Variants in CDKAL1 observed in about 807,000 individuals in gnomAD.
The protein encoded by CDKAL1 is CDKAL1 threonylcarbamoyladenosine tRNA methylthiotransferase.
CDKAL1 carries 32 observed loss-of-function variants against 68.2 expected under a neutral mutation model. The observed-to-expected ratio is 0.47, with a 90% CI of 0.35 to 0.63. The LOEUF (loss-of-function observed/expected upper bound fraction) is 0.63, where lower values mean the gene tolerates loss of function less well. Ranked by LOEUF, CDKAL1 falls within the 30% of genes least tolerant of loss-of-function variation. The pLI is 0.00. For missense variants in CDKAL1, 606 were observed against 696.7 expected (o/e 0.87, Z 1.47); for synonymous variants, 234 against 244.3 (o/e 0.96, Z 0.39).
chr6:20,764,959 C>G (rs543389327), intron 7 of CDKAL1, among the ~76,000 whole-genome samples: 1 of 152,100 alleles, frequency 6.6e-6, no homozygotes, highest in Non-Finnish European at 1.5e-5. Flanking sequence ...CCAGTCTCAT[C>G]GGTGTAAGTA....
At chr6:20,922,407 A>G (rs2150653084) in intron 9 of CDKAL1, among the ~76,000 whole-genome samples, 1 of 152,364 alleles carries the variant, frequency 6.6e-6, no homozygotes, top group African/African-American at 2.4e-5. Context: ...AACATGAGAA[A>G]ACAATGAACT....
At chr6:21,002,809 G>A (rs1767499650) in intron 11 of CDKAL1, among the ~76,000 whole-genome samples, 1 of 151,878 alleles carries the variant, frequency 6.6e-6, no homozygotes, top group Non-Finnish European at 1.5e-5. Context: ...GCAACATGGT[G>A]AAACCCCGTC....
intron 12 of CDKAL1, among the ~76,000 whole-genome samples, chr6:21,089,741 A>C (rs555516725): frequency 1.2e-4 from 18 of 152,358 alleles, no homozygotes; most frequent in African/African-American, 4.3e-4. Flanking sequence ...ATGGGTGAGA[A>C]GACTTGTAGG....
intron 10 of CDKAL1, among the ~76,000 whole-genome samples, chr6:20,972,146 C>T (rs1765630168): frequency 6.6e-6 from 1 of 152,206 alleles, no homozygotes; most frequent in Non-Finnish European, 1.5e-5. Context: ...GCCTTCCTCA[C>T]TTGCAAGTGT....
At chr6:21,095,969 G>A (rs1367725104) in intron 12 of CDKAL1, among the ~76,000 whole-genome samples, 1 of 152,144 alleles carries the variant, frequency 6.6e-6, no homozygotes, top group Non-Finnish European at 1.5e-5. Context: ...GTATGATGGG[G>A]CAGAGAGAGA....
intron 13 of CDKAL1, among the ~76,000 whole-genome samples, chr6:21,141,407 C>T (rs1486521763): frequency 2.0e-5 from 3 of 152,198 alleles, no homozygotes; most frequent in Non-Finnish European, 2.9e-5. Context: ...TTCCCTCTGC[C>T]AGGACATTTG....
At chr6:20,565,188 C>G (rs1481378806) in intron 4 of CDKAL1, among the ~76,000 whole-genome samples, 1 of 151,818 alleles carries the variant, frequency 6.6e-6, no homozygotes, top group East Asian at 1.9e-4. Context: ...GTGATTTTTA[C>G]AGGGGTGAAA....
intron 13 of CDKAL1, among the ~76,000 whole-genome samples, chr6:21,109,485 T>C (rs2150993051): frequency 1.3e-5 from 2 of 152,304 alleles, no homozygotes; most frequent in Middle Eastern, 3.4e-3. Context: ...TTCTAGTGTT[T>C]CTATAGTGAC....
At chr6:20,566,760 G>A (rs527996613) in intron 4 of CDKAL1, among the ~76,000 whole-genome samples, 1 of 152,222 alleles carries the variant, frequency 6.6e-6, no homozygotes, top group South Asian at 2.1e-4. Context: ...TGCATCTAAA[G>A]ATTCCCATGG....
intron 11 of CDKAL1, among the ~76,000 whole-genome samples, chr6:21,045,655 A>G (rs528123864): frequency 8.7e-4 from 132 of 152,306 alleles, no homozygotes; most frequent in African/African-American, 2.9e-3. Context: ...TGCATAAGTA[A>G]AGCACTAGGA....
chr6:20,647,963 T>C (rs1768556595), intron 4 of CDKAL1, among the ~76,000 whole-genome samples: 1 of 150,224 alleles, frequency 6.7e-6, no homozygotes, highest in Non-Finnish European at 1.5e-5. Context: ...TAATCCCAGC[T>C]ACTCAGGAGG....
chr6:21,014,351 C>A (rs1768186667), intron 11 of CDKAL1, among the ~76,000 whole-genome samples: 2 of 152,150 alleles, frequency 1.3e-5, no homozygotes, highest in Admixed American at 6.5e-5. Context: ...CACCTGTAAT[C>A]CCAGCACTTT....
At chr6:20,888,605 G>A (rs1198693253) in intron 9 of CDKAL1, among the ~76,000 whole-genome samples, 1 of 142,020 alleles carries the variant, frequency 7.0e-6, no homozygotes, top group Non-Finnish European at 1.5e-5. Flanking sequence ...CCGCCTATGA[G>A]TGAGAACATG....
chr6:20,881,286 G>C (rs148034202), intron 9 of CDKAL1, among the ~76,000 whole-genome samples: 329 of 152,252 alleles, frequency 2.2e-3, no homozygotes, highest in Non-Finnish European at 3.6e-3. Context: ...GATGTTGCTG[G>C]TCTGGGACTA....
intron 4 of CDKAL1, among the ~76,000 whole-genome samples, chr6:20,556,573 A>G (rs2127664088): frequency 6.6e-6 from 1 of 151,918 alleles, no homozygotes; most frequent in African/African-American, 2.4e-5. Flanking sequence ...TCTACACATA[A>G]CTCTTTAATC....
At chr6:20,983,103 GA>G (rs1766244995) in intron 10 of CDKAL1, among the ~76,000 whole-genome samples, 1 of 152,146 alleles carries the variant, frequency 6.6e-6, no homozygotes, top group Admixed American at 6.5e-5. Flanking sequence ...ACTGACATGT[GA>G]AAACAATTTT....
intron 12 of CDKAL1, among the ~76,000 whole-genome samples, chr6:21,090,961 T>G (rs1057424645): frequency 6.6e-6 from 1 of 152,096 alleles, no homozygotes; most frequent in East Asian, 1.9e-4. Flanking sequence ...AGCACCACAA[T>G]GCCTAGCTAA....
intron 8 of CDKAL1, among the ~76,000 whole-genome samples, chr6:20,802,549 CAT>C (rs1776412609): frequency 6.6e-6 from 1 of 151,952 alleles, no homozygotes; most frequent in South Asian, 2.1e-4. Context: ...TATACATACA[CAT>C]ATACATGCAT....
intron 13 of CDKAL1, among the ~76,000 whole-genome samples, chr6:21,175,755 C>G (rs1302797847): frequency 6.6e-6 from 1 of 152,150 alleles, no homozygotes; most frequent in Non-Finnish European, 1.5e-5. Flanking sequence ...CTTTTATCTC[C>G]TAAAGTTGTG....
Sources: allele counts gnomAD v4.1 joint callset (sites outside exome capture counted in the v4.1 genomes callset), GRCh38; gene constraint gnomAD v4.1.1; transcripts MANE v1.5; gene names NCBI Gene and HGNC (gene_info 2026-07-23, HGNC 2026-07-21).